GSTM3: variants seen among roughly 807,000 people sequenced by gnomAD.
The protein encoded by GSTM3 is glutathione S-transferase mu 3, also known as GST class-mu 3.
GSTM3 carries 34 observed loss-of-function variants against 36.1 expected under a neutral mutation model. The ratio of observed to expected loss-of-function variants is 0.94; its 90% CI spans 0.72 to 1.25. GSTM3 has a LOEUF of 1.25. Among genes scored for constraint, GSTM3 ranks in the 50% most tolerant of loss-of-function variants. The probability of loss-of-function intolerance (pLI) is 0.00; values close to 1 mark genes in which losing one functional copy is unlikely to be tolerated. For synonymous variants in GSTM3, 102 were observed against 99.5 expected, an observed-to-expected ratio of 1.03 and a Z score of -0.15; for missense variants, 266 against 281.6, an observed-to-expected ratio of 0.94 and a Z score of 0.40.
In GSTM3 at chr1:109,739,879, C is replaced by G. The variant is rs1649316067; in HGVS notation, c.78G>C (p.Glu26Asp). ...TCTCCTCATAAGAGGTATCCGTGAA[C>G]TCCAGGAGCAGGCGGATGGCGTGCG... ...GLAHAIRLLL[E>D]FTDTSYEEKR... Residue 26 changes from glutamate to aspartate, a missense_variant, in exon 3 of 9, where the codon GAG (glutamate) becomes GAC (aspartate). By Grantham distance (45) the Glu-to-Asp change is conservative. Coordinates refer to ENST00000361066, the MANE Select transcript of GSTM3 (RefSeq NM_000849.5). The G allele has an allele frequency of 2.6e-6, 4 of 1,555,790 alleles. No individual in the cohort carries two copies. The East Asian group carries it at 9.7e-5, about 38-fold the overall frequency.
intron 3 of GSTM3, 21 bp downstream of exon 3, chr1:109,739,812 G>C (rs199659865): frequency 4.6e-6 from 7 of 1,530,864 alleles, no homozygotes; most frequent in East Asian, 4.9e-5. Context: ...TTGGCTGCAC[G>C]GGCACGCGGA....
chr1:109,739,627 A>G (rs1649307631), intron 3 of GSTM3, 134 bp from the exon 4 acceptor site: 1 of 766,076 alleles, frequency 1.3e-6, no homozygotes, highest in Admixed American at 2.2e-5. Flanking sequence ...TGAGCCTCTG[A>G]GCCCTATTTG....
chr1:109,738,898 A>T (rs991308485), intron 4 of GSTM3, among the ~76,000 whole-genome samples: 3 of 152,130 alleles, frequency 2.0e-5, no homozygotes, highest in African/African-American at 7.2e-5. Context: ...AGGTGGGAGG[A>T]CTGTTTGAGC....
At chr1:109,739,295 C>T in intron 4 of GSTM3, 134 bp downstream of exon 4, 1 of 563,720 alleles carries the variant, frequency 1.8e-6, no homozygotes, top group African/African-American at 1.8e-5. Context: ...GTTCAAGGAC[C>T]CCTGAATTCT....
rs1045994210 is a variant in GSTM3 at position 109,736,988 on chromosome 1, A to G, written c.*83T>C. On this transcript the variant is annotated 3_prime_UTR_variant, in exon 9 of 9. Transcript: ENST00000361066. ...GCTGGACACCAGTAACATAAGTGCT[A>G]TTCATTGAAAAGAGCAAAGCAAGAG... 3.8e-6 allele frequency: 3 copies of G among 796,630 alleles called. No individual in the cohort carries two copies. The highest frequency in any genetic ancestry group is 1.5e-5 in the South Asian group (1 of 66,702). 49.3% of individuals were successfully genotyped at this position (796,630 alleles called of 1,614,324 possible).
Position 109,738,025 on chromosome 1 carries a change from C to G in GSTM3, c.372+66G>C, listed in dbSNP as rs1322732716. 2.2e-5 allele frequency: 22 copies of G among 988,042 alleles called. No homozygotes were observed. The South Asian group carries it at 2.6e-4, about 12-fold the overall frequency. The allele number at this position is 988,042 out of a possible 1,614,324, so 61.2% of individuals were successfully genotyped here. A position where few individuals can be genotyped will look rare whatever the true frequency, so the allele number is the denominator to read the frequency against. ...AGCAGCAGAATGGAACAGAGATAACCCTTGGGTTCCTAAATACCCCTTTTT... is the reference window on the plus strand; with the variant it reads ...AGCAGCAGAATGGAACAGAGATAACGCTTGGGTTCCTAAATACCCCTTTTT... On this transcript the variant is annotated intron_variant, in intron 6 of 8. Coordinates refer to ENST00000361066, the MANE Select transcript of GSTM3 (RefSeq NM_000849.5).
intron 4 of GSTM3, 49 bp from the exon 5 acceptor site, chr1:109,738,415 T>C (rs749005032): frequency 2.6e-6 from 3 of 1,151,256 alleles, no homozygotes; most frequent in Non-Finnish European, 3.9e-6. Flanking sequence ...CTCTCTTGAT[T>C]CCCTACCTCT....
Position 109,737,170 on chromosome 1 carries a change from C to T in GSTM3, c.580-1G>A, listed in dbSNP as rs777641323. On this transcript the variant is annotated splice_acceptor_variant, in intron 8 of 8. Transcript: ENST00000361066. LOFTEE classifies it high-confidence loss of function. ...AGTAGGCAGCGATTTTCTCCAAAGC[C>T]TGAAAGGAAAATACACCAAATCTTA... 1.2e-6 allele frequency: 2 copies of T among 1,608,246 alleles called. No homozygotes were observed. Among genetic ancestry groups the T allele is most frequent in the South Asian group, 1.1e-5 (1 of 90,970 alleles).
rs1255792604 is a variant in GSTM3, at chr1:109,737,958, T to A, written c.372+133A>T. 5 of 702,968 alleles carry A rather than the reference T, an allele frequency of 7.1e-6. No individual in the cohort carries two copies. In the East Asian group the frequency reaches 1.3e-4, roughly 19 times the overall value. The allele number at this position is 702,968 out of a possible 1,614,324, so 43.5% of individuals were successfully genotyped here. A position where few individuals can be genotyped will look rare whatever the true frequency, so the allele number is the denominator to read the frequency against. ...ACAAAACAAACCAAAAAATATAAGTTCTGTTTCTTATTCTAACAATCTGGA... is the reference window on the plus strand; with the variant it reads ...ACAAAACAAACCAAAAAATATAAGTACTGTTTCTTATTCTAACAATCTGGA... On this transcript the variant is annotated intron_variant, in intron 6 of 8. Transcript: ENST00000361066.
chr1:109,739,603 A>C (rs952352353), intron 3 of GSTM3, 110 bp from the exon 4 acceptor site: 2 of 853,072 alleles, frequency 2.3e-6, no homozygotes, highest in Non-Finnish European at 3.9e-6. Context: ...CCCAGGCCCC[A>C]AAAGCATAAC....
intron 3 of GSTM3, 21 bp downstream of exon 3, chr1:109,739,812 G>T: frequency 6.5e-7 from 1 of 1,530,860 alleles, no homozygotes; most frequent in Non-Finnish European, 8.9e-7. Context: ...TTGGCTGCAC[G>T]GGCACGCGGA....
intron 8 of GSTM3, 55 bp from the exon 9 acceptor site, chr1:109,737,224 C>T: frequency 8.4e-7 from 1 of 1,184,226 alleles, no homozygotes; most frequent in Non-Finnish European, 1.3e-6. Context: ...CCAACAGATG[C>T]ATACCAGAAC....
At chr1:109,739,994 G>T in intron 2 of GSTM3, 86 bp from the exon 3 acceptor site, 1 of 1,143,480 alleles carries the variant, frequency 8.7e-7, no homozygotes, top group Non-Finnish European at 1.3e-6. Context: ...CGGGGCTGCC[G>T]AGTCCCTGCG....
intron 4 of GSTM3, among the ~76,000 whole-genome samples, chr1:109,738,656 T>G (rs1005356269): frequency 5.3e-5 from 8 of 152,044 alleles, no homozygotes; most frequent in African/African-American, 1.9e-4. Context: ...AATCAAAAAA[T>G]ATTTTTAAAA....
chr1:109,739,302 T>G, intron 4 of GSTM3, 127 bp downstream of exon 4: 1 of 579,168 alleles, frequency 1.7e-6, no homozygotes. Flanking sequence ...GACCCCTGAA[T>G]TCTATTTATT....
chr1:109,738,241 C>CAA, intron 5 of GSTM3, 44 bp downstream of exon 5: 1 of 1,601,354 alleles, frequency 6.2e-7, no homozygotes, highest in South Asian at 1.1e-5. Context: ...CACTCTCAGA[C>CAA]AAACTACCAG....
At chr1:109,740,071 C>A (rs1649323914) in intron 2 of GSTM3, 163 bp from the exon 3 acceptor site, 10 of 878,618 alleles carry the variant, frequency 1.1e-5, no homozygotes, top group Non-Finnish European at 1.8e-5. Context: ...CGCCCCTCCC[C>A]ACAGGGCCCG....
rs1325916942 is a variant in GSTM3, at chr1:109,738,117, T to C, written c.346A>G (p.Ile116Val). The change falls in exon 6 of 9, where the codon ATA becomes GTA. Residue 116 changes from isoleucine (I) to valine (V), a missense_variant. Physicochemically the swap from Ile to Val is conservative, Grantham distance 29. Coordinates refer to ENST00000361066, the MANE Select transcript of GSTM3 (RefSeq NM_000849.5). Reference protein sequence around the residue: ...NQVMDFRTQLIRLCYSSDHEK... With the variant: ...NQVMDFRTQLVRLCYSSDHEK... The stretch of plus-strand genomic sequence containing the variant: ...TGGTCAGAGCTGTAACAGAGCCTTA[T>C]CAGTTGTGTGCGGAAATCCATTACT... 1.9e-6 allele frequency: 3 copies of C among 1,612,962 alleles called. No individual in the cohort carries two copies. The highest frequency in any genetic ancestry group is 1.6e-4 in the Middle Eastern group (1 of 6,084).
In GSTM3 at chr1:109,737,568, C is replaced by A. The variant is rs1408338544; in HGVS notation, c.469-1G>T. On this transcript the variant is annotated splice_acceptor_variant, in intron 7 of 8. Transcript: ENST00000361066. LOFTEE classifies it high-confidence loss of function. ...AGGTGAGAAAATCCACAAAGGTGAG[C>A]TAGAAGAAAAGCAATAAGATGCTTA... 1 of 1,605,192 alleles carries A rather than the reference C, an allele frequency of 6.2e-7. No individual in the cohort carries two copies. Among genetic ancestry groups the A allele is most frequent in the African/African-American group, 1.3e-5 (1 of 74,808 alleles).
Sources: gnomAD v4.1 joint callset for allele counts (sites outside exome capture counted in the v4.1 genomes callset) on GRCh38, gnomAD v4.1.1 for gene constraint, MANE v1.5 for transcripts, NCBI Gene and HGNC (gene_info 2026-07-23, HGNC 2026-07-21) for gene names.